Variants in TMEM135 observed in about 807,000 individuals in gnomAD.
The protein encoded by TMEM135 is peroxisomal membrane protein 52.
A neutral mutation model predicts 60.3 loss-of-function variants in TMEM135; 30 were observed. That is an observed-to-expected ratio of 0.50 (90% confidence interval 0.37 to 0.68). The LOEUF is 0.68. Among genes scored for constraint, TMEM135 ranks in the 30% least tolerant of loss-of-function variants. The pLI, the probability that TMEM135 is intolerant of heterozygous loss-of-function variation, is 0.00. For synonymous variants in TMEM135, 190 were observed against 186.7 expected, an observed-to-expected ratio of 1.02 and a Z score of -0.14; for missense variants, 468 against 548.8, an observed-to-expected ratio of 0.85 and a Z score of 1.47.
At chr11:87,301,481 T>C (rs1285736433) in intron 7 of TMEM135, among the ~76,000 whole-genome samples, 2 of 152,166 alleles carry the variant, frequency 1.3e-5, no homozygotes, top group Non-Finnish European at 2.9e-5. Context: ...CTTGAACTCC[T>C]GGCCACAAGT....
intron 6 of TMEM135, among the ~76,000 whole-genome samples, chr11:87,241,123 A>C (rs1330543206): frequency 3.3e-5 from 5 of 152,102 alleles, no homozygotes; most frequent in Admixed American, 1.3e-4. Flanking sequence ...CAAGGTGTAG[A>C]TTTAGTTTAT....
At chr11:87,128,143 G>A (rs566611399) in intron 4 of TMEM135, among the ~76,000 whole-genome samples, 1 of 152,048 alleles carries the variant, frequency 6.6e-6, no homozygotes. Flanking sequence ...TAAAACACTT[G>A]GTTTCTAACC....
At chr11:87,086,917 C>G (rs891447727) in intron 3 of TMEM135, among the ~76,000 whole-genome samples, 3 of 152,116 alleles carry the variant, frequency 2.0e-5, no homozygotes, top group African/African-American at 7.2e-5. Flanking sequence ...ATCAATTTCC[C>G]CTTCTGAAGA....
intron 5 of TMEM135, among the ~76,000 whole-genome samples, chr11:87,219,268 C>T (rs1212093423): frequency 3.3e-5 from 5 of 151,994 alleles, no homozygotes; most frequent in African/African-American, 7.3e-5. Context: ...CCAAGGCTAC[C>T]GTAACAAAAT....
chr11:87,082,001 A>G (rs1166539530), intron 3 of TMEM135, among the ~76,000 whole-genome samples: 1 of 152,204 alleles, frequency 6.6e-6, no homozygotes, highest in African/African-American at 2.4e-5. Context: ...GATGCAGTTA[A>G]CAATACTGGG....
At chr11:87,190,339 T>C (rs1309660137) in intron 5 of TMEM135, among the ~76,000 whole-genome samples, 1 of 152,116 alleles carries the variant, frequency 6.6e-6, no homozygotes, top group East Asian at 1.9e-4. Context: ...AAAAGAGAAG[T>C]AGTGGTAATG....
At chr11:87,153,678 C>T (rs1938616434) in intron 4 of TMEM135, among the ~76,000 whole-genome samples, 1 of 152,212 alleles carries the variant, frequency 6.6e-6, no homozygotes, top group South Asian at 2.1e-4. Flanking sequence ...TTTGCTTCCA[C>T]TTTCCCCTAG....
At chr11:87,069,822 A>C (rs2513237) in intron 2 of TMEM135, among the ~76,000 whole-genome samples, 1 of 151,870 alleles carries the variant, frequency 6.6e-6, no homozygotes, top group East Asian at 1.9e-4. Flanking sequence ...AAAAATACCC[A>C]AGTTACATGT....
At chr11:87,275,142 A>G (rs1352479706) in intron 6 of TMEM135, among the ~76,000 whole-genome samples, 1 of 152,104 alleles carries the variant, frequency 6.6e-6, no homozygotes, top group Non-Finnish European at 1.5e-5. Context: ...ACATTTGGCA[A>G]TTTTATTTCA....
intron 10 of TMEM135, among the ~76,000 whole-genome samples, chr11:87,311,028 A>G (rs1307095159): frequency 1.3e-5 from 2 of 151,206 alleles, no homozygotes; most frequent in Non-Finnish European, 3.0e-5. Context: ...TTCATACTTT[A>G]TTTCTTTGAC....
chr11:87,265,013 T>C (rs757010352), intron 6 of TMEM135, among the ~76,000 whole-genome samples: 1 of 151,888 alleles, frequency 6.6e-6, no homozygotes, highest in Non-Finnish European at 1.5e-5. Flanking sequence ...AATAATAAGC[T>C]ACAATTAAAA....
At position 87,224,199 on chromosome 11, in the gene TMEM135, G is replaced by A. The variant is rs549856513; in HGVS notation, c.463-12439G>A. ...ATTATATGTCCTACTTGTTGTTGAT[G>A]GGTGCTTTTTCTTGAATTATGTATT... On this transcript the variant is annotated intron_variant, in intron 5 of 14. Coordinates refer to ENST00000305494, the MANE Select transcript of TMEM135 (RefSeq NM_022918.4). Among the ~76,000 whole-genome samples, 53 of 152,228 alleles carry A rather than the reference G, an allele frequency of 3.5e-4. 1 individual carries two copies. The South Asian group carries it at 0.01, about 29-fold the overall frequency.
chr11:87,271,840 G>A (rs989808065), intron 6 of TMEM135, among the ~76,000 whole-genome samples: 3 of 151,958 alleles, frequency 2.0e-5, no homozygotes, highest in African/African-American at 4.8e-5. Flanking sequence ...GGAGGCTGAG[G>A]TGGGAAAATC....
rs1236657968 is a variant in TMEM135, at chr11:87,326,941, C to T, written c.*5608C>T. On this transcript the variant is annotated 3_prime_UTR_variant, in exon 15 of 15. Transcript: ENST00000305494. ...TTTTTTTTTTTTTTTCACTAAAACG[C>T]TTCCTATAACTTGGATTAAAATTCA... 4.7e-6 allele frequency: 2 copies of T among 428,778 alleles called. No homozygotes were observed. The highest frequency in any genetic ancestry group is 2.6e-5 in the Admixed American group (1 of 37,918). The allele number at this position is 428,778 out of a possible 1,614,324, so 26.6% of individuals were successfully genotyped here.
chr11:87,313,614 T>TGA, intron 11 of TMEM135, 126 bp downstream of exon 11: 3 of 832,698 alleles, frequency 3.6e-6, no homozygotes, highest in Non-Finnish European at 5.9e-6. Context: ...GAATTCCAGT[T>TGA]GAGGCACTTG....
At chr11:87,313,337 T>A in intron 10 of TMEM135, 88 bp from the exon 11 acceptor site, 1 of 1,112,386 alleles carries the variant, frequency 9.0e-7, no homozygotes, top group Non-Finnish European at 1.4e-6. Flanking sequence ...GGTAATCTGA[T>A]GAATTTATTC....
At chr11:87,190,974 T>G in intron 5 of TMEM135, among the ~76,000 whole-genome samples, 1 of 152,222 alleles carries the variant, frequency 6.6e-6, no homozygotes, top group East Asian at 1.9e-4. Context: ...TGTTTTATTC[T>G]TCATTATTCC....
intron 4 of TMEM135, among the ~76,000 whole-genome samples, chr11:87,102,863 T>A (rs1350091752): frequency 6.6e-6 from 1 of 151,972 alleles, no homozygotes; most frequent in Non-Finnish European, 1.5e-5. Flanking sequence ...CCTTATTAAC[T>A]ATGGTCACCC....
At chr11:87,056,286 A>G (rs2135122013) in intron 1 of TMEM135, among the ~76,000 whole-genome samples, 1 of 152,324 alleles carries the variant, frequency 6.6e-6, no homozygotes, top group South Asian at 2.1e-4. Flanking sequence ...AATGCAGCCC[A>G]GCAGGTCTCA....
Sources: gnomAD v4.1 joint callset for allele counts (sites outside exome capture counted in the v4.1 genomes callset) on GRCh38, gnomAD v4.1.1 for gene constraint, MANE v1.5 for transcripts, NCBI Gene and HGNC (gene_info 2026-07-23, HGNC 2026-07-21) for gene names.